ATG10: variants seen among roughly 807,000 people sequenced by gnomAD.
ATG10 encodes the protein ubiquitin-like-conjugating enzyme ATG10.
A neutral mutation model predicts 32.1 loss-of-function variants in ATG10; 30 were observed. The observed-to-expected ratio is 0.94, with a 90% CI of 0.70 to 1.27. ATG10 has a LOEUF of 1.27. Ranked by LOEUF, ATG10 falls within the 50% of genes most tolerant of loss-of-function variation. The pLI is 0.00. For synonymous variants in ATG10, 87 were observed against 91.5 expected (o/e 0.95, Z 0.28); for missense variants, 233 against 262.3 (o/e 0.89, Z 0.77).
At chr5:82,237,365 C>T (rs996490241) in intron 5 of ATG10, among the ~76,000 whole-genome samples, 8 of 152,114 alleles carry the variant, frequency 5.3e-5, no homozygotes, top group Middle Eastern at 3.4e-3. Flanking sequence ...AAGTCTTGGC[C>T]GGGTGTGGTG....
At chr5:82,124,124 G>A (rs1431409216) in intron 3 of ATG10, among the ~76,000 whole-genome samples, 1 of 145,618 alleles carries the variant, frequency 6.9e-6, no homozygotes, top group Non-Finnish European at 1.5e-5. Flanking sequence ...CCAAGCTGGA[G>A]TGCAGTGGTG....
chr5:82,093,734 T>C (rs1561295354), intron 3 of ATG10, among the ~76,000 whole-genome samples: 1 of 152,216 alleles, frequency 6.6e-6, no homozygotes, highest in African/African-American at 2.4e-5. Flanking sequence ...ATTTTTGTCT[T>C]CCTATAAACA....
chr5:82,089,216 C>T (rs1420431634), intron 3 of ATG10, among the ~76,000 whole-genome samples: 1 of 151,980 alleles, frequency 6.6e-6, no homozygotes, highest in African/African-American at 2.4e-5. Flanking sequence ...GTGGTGCATG[C>T]CTGAAATCCC....
At chr5:82,012,766 CCA>C (rs935583951) in intron 2 of ATG10, among the ~76,000 whole-genome samples, 2 of 152,110 alleles carry the variant, frequency 1.3e-5, no homozygotes, top group Admixed American at 1.3e-4. Context: ...AGTGATTCTC[CCA>C]CCTCAGCCTC....
chr5:81,992,230 TCCTC>T (rs1378401989), intron 2 of ATG10: 3 of 152,150 alleles, frequency 2.0e-5, no homozygotes, highest in Admixed American at 2.0e-4. Flanking sequence ...GCTCAAGCTG[TCCTC>T]CTACCTTGGC....
chr5:82,007,103 C>T (rs539463004), intron 2 of ATG10, among the ~76,000 whole-genome samples: 13 of 152,276 alleles, frequency 8.5e-5, no homozygotes, highest in Middle Eastern at 3.4e-3. Context: ...CTGCCCACCT[C>T]AGCCTCCCAC....
chr5:82,092,429 C>G lies in ATG10; in HGVS notation c.216+33827C>G, dbSNP rs570121318. 1.1e-3 allele frequency among the ~76,000 whole-genome samples: 174 copies of G among 152,130 alleles called. 2 individuals carry two copies. The highest frequency in any genetic ancestry group is 2.2e-3 in the Admixed American group (34 of 15,252). ...TGGTATCTACTGGTATATAACAAAC[C>G]ATCTCAAAGCTTAATGGCTTGCAGC... On this transcript the variant is annotated intron_variant, in intron 3 of 7. Transcript: ENST00000282185.
chr5:82,199,560 A>T (rs1322853215), intron 5 of ATG10, among the ~76,000 whole-genome samples: 1 of 152,210 alleles, frequency 6.6e-6, no homozygotes, highest in African/African-American at 2.4e-5. Flanking sequence ...CAATATAAGC[A>T]TATTAGCTTT....
At chr5:82,160,660 G>C (rs1370951446) in intron 3 of ATG10, among the ~76,000 whole-genome samples, 1 of 152,078 alleles carries the variant, frequency 6.6e-6, no homozygotes, top group Non-Finnish European at 1.5e-5. Context: ...ACCAACATTT[G>C]GTGGTGTCCA....
At chr5:82,093,061 C>G (rs1446743603) in intron 3 of ATG10, among the ~76,000 whole-genome samples, 1 of 152,178 alleles carries the variant, frequency 6.6e-6, no homozygotes, top group African/African-American at 2.4e-5. Context: ...TTGCACTATC[C>G]TAACTCAGAA....
intron 2 of ATG10, among the ~76,000 whole-genome samples, chr5:82,016,668 G>T (rs1762294215): frequency 6.6e-6 from 1 of 151,586 alleles, no homozygotes; most frequent in East Asian, 1.9e-4. Context: ...GATTGCTTTT[G>T]GCAGTGTGGT....
intron 3 of ATG10, among the ~76,000 whole-genome samples, chr5:82,119,289 T>A (rs1765948229): frequency 6.6e-6 from 1 of 152,074 alleles, no homozygotes; most frequent in Non-Finnish European, 1.5e-5. Context: ...CTTGAAAAAA[T>A]TTTGCTTTTC....
intron 2 of ATG10, among the ~76,000 whole-genome samples, chr5:82,008,626 A>G (rs903882662): frequency 2.6e-5 from 4 of 152,246 alleles, no homozygotes; most frequent in African/African-American, 9.6e-5. Flanking sequence ...ATAAGAGCAC[A>G]TGCCTGGTTA....
intron 5 of ATG10, among the ~76,000 whole-genome samples, chr5:82,214,242 T>C (rs1745593504): frequency 6.6e-6 from 1 of 152,246 alleles, no homozygotes; most frequent in Non-Finnish European, 1.5e-5. Context: ...TTTCAAAAAA[T>C]GTAACTGATC....
chr5:82,215,539 AC>A (rs1745643315), intron 5 of ATG10, among the ~76,000 whole-genome samples: 1 of 152,210 alleles, frequency 6.6e-6, no homozygotes, highest in African/African-American at 2.4e-5. Context: ...TCTTTAAAAA[AC>A]ACTTGAATTA....
intron 3 of ATG10, among the ~76,000 whole-genome samples, chr5:82,138,671 A>G (rs1766875460): frequency 6.6e-6 from 1 of 152,108 alleles, no homozygotes; most frequent in South Asian, 2.1e-4. Context: ...CCATTTGACC[A>G]TCTTGCCCGG....
intron 5 of ATG10, among the ~76,000 whole-genome samples, chr5:82,207,546 A>T (rs1745345105): frequency 6.6e-6 from 1 of 152,086 alleles, no homozygotes; most frequent in African/African-American, 2.4e-5. Flanking sequence ...TGATGGATGT[A>T]TATATAGCAA....
At chr5:82,099,426 A>G (rs1056669196) in intron 3 of ATG10, among the ~76,000 whole-genome samples, 1 of 151,922 alleles carries the variant, frequency 6.6e-6, no homozygotes, top group African/African-American at 2.4e-5. Context: ...TAATATATGT[A>G]TATTTAAATA....
At chr5:82,088,914 G>A (rs1764785138) in intron 3 of ATG10, among the ~76,000 whole-genome samples, 1 of 152,184 alleles carries the variant, frequency 6.6e-6, no homozygotes, top group African/African-American at 2.4e-5. Context: ...AAAATTCATT[G>A]TAGATGTAAA....
Sources: gnomAD v4.1 joint callset for allele counts (sites outside exome capture counted in the v4.1 genomes callset) on GRCh38, gnomAD v4.1.1 for gene constraint, MANE v1.5 for transcripts, NCBI Gene and HGNC (gene_info 2026-07-23, HGNC 2026-07-21) for gene names.